Variants in DNAH14 observed in about 807,000 individuals in gnomAD.
The protein encoded by DNAH14 is axonemal beta dynein heavy chain 14.
In DNAH14, 478 loss-of-function variants were observed where a neutral mutation model predicts 520.9. That is an observed-to-expected ratio of 0.92 (90% CI 0.85 to 0.99). The LOEUF (loss-of-function observed/expected upper bound fraction) is 0.99. Ranked by LOEUF, DNAH14 falls within the 50% of genes least tolerant of loss-of-function variation. The pLI is 0.00. For synonymous variants in DNAH14, 1,581 were observed against 1,757.2 expected (o/e 0.90, Z 2.51); for missense variants, 4,831 against 5,234.5 (o/e 0.92, Z 2.38).
chr1:224,988,633 A>AAT (rs1478934984), intron 8 of DNAH14, among the ~76,000 whole-genome samples: 1 of 152,182 alleles, frequency 6.6e-6, no homozygotes, highest in Admixed American at 6.5e-5. Context: ...TACCCAAAGG[A>AAT]ATATAAATCA....
chr1:224,938,806 A>G (rs1386437206), intron 1 of DNAH14, among the ~76,000 whole-genome samples: 1 of 152,186 alleles, frequency 6.6e-6, no homozygotes, highest in Non-Finnish European at 1.5e-5. Context: ...CCATCAATGG[A>G]TAAATAAAGA....
At chr1:224,935,623 C>G (rs2058981873) in intron 1 of DNAH14, among the ~76,000 whole-genome samples, 1 of 151,822 alleles carries the variant, frequency 6.6e-6, no homozygotes. Context: ...TAGTAGGGGA[C>G]TTCAATACCC....
At chr1:225,145,403 G>A in intron 30 of DNAH14, 24 bp downstream of exon 30, 2 of 1,507,844 alleles carry the variant, frequency 1.3e-6, no homozygotes, top group South Asian at 1.3e-5. Flanking sequence ...ATATGTGTCA[G>A]GAAGAAATAT....
At chr1:224,948,024 A>C (rs1469163270) in intron 1 of DNAH14, among the ~76,000 whole-genome samples, 1 of 152,014 alleles carries the variant, frequency 6.6e-6, no homozygotes. Flanking sequence ...TTTATATAAT[A>C]TATATGTTAA....
In DNAH14 at chr1:225,043,011, A is replaced by T; in HGVS notation, c.1665A>T (p.Ser555=). ...EECVMFEDEM[S]ENKDNCVKKH... The stretch of plus-strand genomic sequence containing the variant: ...GTGTGATGTTTGAAGATGAAATGTC[A>T]GAAAATAAAGACAATTGTGTCAAAA... Residue 555 remains serine, a synonymous_variant, in exon 13 of 86, where the codon TCA becomes TCT. Transcript: ENST00000682510. 6.4e-7 allele frequency: 1 copy of T among 1,551,884 alleles called. No individual in the cohort carries two copies. The highest frequency in any genetic ancestry group is 2.4e-5 in the East Asian group (1 of 40,906).
intron 51 of DNAH14, 50 bp downstream of exon 51, chr1:225,272,123 C>T (rs1416500264): frequency 1.4e-6 from 2 of 1,466,246 alleles, no homozygotes; most frequent in Admixed American, 4.5e-5. Flanking sequence ...ATAAGTTGCT[C>T]TCTCTCATAC....
At chr1:225,275,184 C>T (rs924435101) in intron 52 of DNAH14, among the ~76,000 whole-genome samples, 1 of 152,096 alleles carries the variant, frequency 6.6e-6, no homozygotes. Context: ...TAGCCATTTG[C>T]GAAACAAACA....
intron 58 of DNAH14, 107 bp downstream of exon 58, chr1:225,305,196 C>T: frequency 1.6e-6 from 2 of 1,261,302 alleles, no homozygotes; most frequent in Non-Finnish European, 2.2e-6. Flanking sequence ...TTTGGTGGGA[C>T]AAAAAGCCAG....
intron 8 of DNAH14, among the ~76,000 whole-genome samples, chr1:224,984,874 A>G (rs1024904905): frequency 1.3e-5 from 2 of 152,206 alleles, no homozygotes; most frequent in East Asian, 1.9e-4. Flanking sequence ...AAAATGCTCA[A>G]CATCACTAAT....
chr1:225,356,660 A>T (rs2095432936), intron 73 of DNAH14, among the ~76,000 whole-genome samples: 1 of 152,220 alleles, frequency 6.6e-6, no homozygotes, highest in Non-Finnish European at 1.5e-5. Flanking sequence ...ATGCCTGTAT[A>T]TGTGTTGAAA....
chr1:225,101,992 T>C (rs983417021), intron 23 of DNAH14, among the ~76,000 whole-genome samples: 44 of 151,472 alleles, frequency 2.9e-4, no homozygotes, highest in African/African-American at 9.9e-4. Context: ...GCTGCACCCA[T>C]TAACTCGTCA....
chr1:225,212,054 C>A (rs1222480659), intron 41 of DNAH14, among the ~76,000 whole-genome samples: 2 of 105,068 alleles, frequency 1.9e-5, no homozygotes, highest in African/African-American at 7.3e-5. Context: ...TATCCCTCCC[C>A]CCTCCCCCCA....
rs746915534 is a variant in DNAH14 at position 225,310,485 on chromosome 1, C to T, written c.9240+2075C>T. 1.1e-4 allele frequency among the ~76,000 whole-genome samples: 16 copies of T among 152,220 alleles called. No homozygotes were observed. In the East Asian group the frequency reaches 1.2e-3, roughly 11 times the overall value. On this transcript the variant is annotated intron_variant, in intron 60 of 85. Transcript: ENST00000682510. ...TTATTTTACTTTAAGTTCTGGGATA[C>T]GTGTGCAGAATGTGCAAGTTTGTTA... is the stretch of plus-strand genomic sequence containing the variant.
chr1:225,014,247 G>A (rs190503489), intron 10 of DNAH14, among the ~76,000 whole-genome samples: 38 of 152,164 alleles, frequency 2.5e-4, no homozygotes, highest in African/African-American at 6.7e-4. Context: ...GTGAGGCGAC[G>A]CCCCACCCTA....
intron 8 of DNAH14, among the ~76,000 whole-genome samples, chr1:224,998,538 T>A (rs1190184152): frequency 6.6e-6 from 1 of 152,208 alleles, no homozygotes; most frequent in African/African-American, 2.4e-5. Flanking sequence ...CAGTGTTTTG[T>A]TCAATTTCCA....
chr1:224,939,163 C>T (rs1039250334), intron 1 of DNAH14, among the ~76,000 whole-genome samples: 9 of 152,146 alleles, frequency 5.9e-5, no homozygotes, highest in African/African-American at 1.4e-4. Context: ...TTTAAAAATA[C>T]AATACTTGAC....
Position 225,050,212 on chromosome 1 carries a change from A to G in DNAH14, c.1915A>G (p.Thr639Ala). Residue 639 changes from threonine to alanine, a missense_variant and splice_region_variant, in exon 16 of 86, where the codon ACA becomes GCA. By Grantham distance (58) the Thr-to-Ala change is moderately conservative. Coordinates refer to ENST00000682510, the MANE Select transcript of DNAH14 (RefSeq NM_001367479.1). Reference sequence around the variant, plus strand: ...GACTTTTAAATTATATATTTTAGCCACAATTACTCCTCTTTGCCAAGATCC... The same window carrying G: ...GACTTTTAAATTATATATTTTAGCCGCAATTACTCCTCTTTGCCAAGATCC... Reference protein sequence around the residue: ...MLTNMEKCITTITPLCQDPQL... With the variant: ...MLTNMEKCITAITPLCQDPQL... The G allele has an allele frequency of 6.5e-7, 1 of 1,528,000 alleles. No individual in the cohort carries two copies. The highest frequency in any genetic ancestry group is 1.4e-5 in the African/African-American group (1 of 71,464). The allele number at this position is 1,528,000 out of a possible 1,614,324, so 94.7% of individuals were successfully genotyped here.
At chr1:225,015,250 C>T (rs903847455) in intron 10 of DNAH14, among the ~76,000 whole-genome samples, 1 of 152,148 alleles carries the variant, frequency 6.6e-6, no homozygotes, top group African/African-American at 2.4e-5. Context: ...ATCACTCAGC[C>T]AGTCCATGTC....
At chr1:225,280,227 C>T (rs1454785015) in intron 54 of DNAH14, among the ~76,000 whole-genome samples, 1 of 151,902 alleles carries the variant, frequency 6.6e-6, no homozygotes, top group African/African-American at 2.4e-5. Context: ...AATGGGGCTC[C>T]CAGAAAGAGA....
Sources: gnomAD v4.1 joint callset for allele counts (sites outside exome capture counted in the v4.1 genomes callset) on GRCh38, gnomAD v4.1.1 for gene constraint, MANE v1.5 for transcripts, NCBI Gene and HGNC (gene_info 2026-07-23, HGNC 2026-07-21) for gene names.